Variants in OSBP observed in about 807,000 individuals in gnomAD.
The protein encoded by OSBP is oxysterol binding protein.
In OSBP, 32 loss-of-function variants were observed where a neutral mutation model predicts 96.6. The observed-to-expected ratio is 0.33, with a 90% CI of 0.25 to 0.45. OSBP has a LOEUF of 0.45. Ranked by LOEUF, OSBP falls within the 20% of genes least tolerant of loss-of-function variation. OSBP has a pLI of 1.00. For synonymous variants in OSBP, 369 were observed against 389.6 expected (o/e 0.95, Z 0.62); for missense variants, 653 against 1,029.7 (o/e 0.63, Z 5.01).
At chr11:59,602,205 G>A (rs1027139072) in intron 3 of OSBP, among the ~76,000 whole-genome samples, 4 of 152,192 alleles carry the variant, frequency 2.6e-5, no homozygotes, top group African/African-American at 4.8e-5. Context: ...GCACACACAG[G>A]ATAACTGCTT....
chr11:59,600,687 ACCTTC>A, intron 6 of OSBP, 60 bp from the exon 7 acceptor site: 2 of 1,585,912 alleles, frequency 1.3e-6, no homozygotes, highest in Non-Finnish European at 1.7e-6. Flanking sequence ...GGTATTTATA[ACCTTC>A]CCTTCCCCCG....
chr11:59,581,384 A>C, intron 10 of OSBP, 67 bp downstream of exon 10: 1 of 866,142 alleles, frequency 1.2e-6, no homozygotes, highest in Non-Finnish European at 1.9e-6. Context: ...TGTCCTAAAT[A>C]CTGCAGAAAT....
chr11:59,598,272 C>A (rs1049895517), intron 7 of OSBP, among the ~76,000 whole-genome samples: 1 of 152,168 alleles, frequency 6.6e-6, no homozygotes. Flanking sequence ...AAGACGTAGC[C>A]CCTGATCACA....
rs201724760 is a variant in OSBP, at chr11:59,601,340, T to C, written c.1067A>G (p.Glu356Gly). ...CTCAGGTGCATCAAAAAATTCATTC[T>C]CATCATCTTCATCGCTCATGTCCCC... ...GKGDMSDEDD[E>G]NEFFDAPEII... Residue 356 changes from glutamate (E) to glycine (G), a missense_variant, in exon 5 of 14, where the codon GAG becomes GGG. Physicochemically the swap from Glu to Gly is moderately conservative, Grantham distance 98. Coordinates refer to ENST00000263847, the MANE Select transcript of OSBP (RefSeq NM_002556.3). The C allele has an allele frequency of 7.4e-6, 12 of 1,613,690 alleles. No individual in the cohort carries two copies. In the East Asian group the frequency reaches 2.0e-4, roughly 27 times the overall value.
At chr11:59,585,292 C>T (rs1255107308) in intron 9 of OSBP, among the ~76,000 whole-genome samples, 13 of 152,010 alleles carry the variant, frequency 8.6e-5, no homozygotes, top group Non-Finnish European at 1.3e-4. Context: ...CCTGCCGCCC[C>T]GGCTGGGATG....
Position 59,601,737 on chromosome 11 carries a change from G to T in OSBP, c.924C>A (p.Leu308=), listed in dbSNP as rs774988077. The T allele has an allele frequency of 8.7e-6, 14 of 1,614,012 alleles. No homozygotes were observed. Among genetic ancestry groups the T allele is most frequent in the Non-Finnish European group, 1.2e-5 (14 of 1,180,034 alleles). The part of the protein sequence containing the change: ...RDQRIRLEET[L]EQLAKQHNHL... ...GATTATGCTGCTTCGCCAGCTGCTC[G>T]AGGGTTTCTTCCAGTCGGATACGCT... The change falls in exon 4 of 14, where the codon CTC becomes CTA. Residue 308 remains leucine, a synonymous_variant. Coordinates refer to ENST00000263847, the MANE Select transcript of OSBP (RefSeq NM_002556.3).
chr11:59,604,167 T>C (rs543581044), intron 3 of OSBP, among the ~76,000 whole-genome samples: 8 of 152,254 alleles, frequency 5.3e-5, no homozygotes, highest in African/African-American at 1.7e-4. Context: ...ATAGTAACAA[T>C]AGAGTAACTA....
intron 2 of OSBP, among the ~76,000 whole-genome samples, chr11:59,610,013 C>T (rs1444600129): frequency 2.6e-5 from 4 of 152,272 alleles, no homozygotes; most frequent in Non-Finnish European, 4.4e-5. Context: ...AAAAGAACAA[C>T]TGTTACGCCT....
intron 1 of OSBP, among the ~76,000 whole-genome samples, chr11:59,612,321 G>A (rs1860860677): frequency 6.6e-6 from 1 of 152,068 alleles, no homozygotes. Context: ...CCACCCCCAA[G>A]CTTCAGTTAC....
rs754048994 is a variant in OSBP at position 59,601,872 on chromosome 11, A to G, written c.823-34T>C. On this transcript the variant is annotated intron_variant, in intron 3 of 13. Transcript: ENST00000263847. ...AGAAAGCGTTGACTGTGTCAGCTCA[A>G]CTAGTCAGAGTTTCCCCTCAGGCTT... 3.1e-6 allele frequency: 5 copies of G among 1,597,390 alleles called. No homozygotes were observed. In the African/African-American group the frequency reaches 6.7e-5, roughly 21 times the overall value.
At chr11:59,586,568 T>C (rs987248598) in intron 9 of OSBP, among the ~76,000 whole-genome samples, 1 of 152,146 alleles carries the variant, frequency 6.6e-6, no homozygotes, top group Non-Finnish European at 1.5e-5. Context: ...CTAAAATTCA[T>C]ATGGAATCTC....
intron 1 of OSBP, among the ~76,000 whole-genome samples, chr11:59,613,195 C>T (rs1007430152): frequency 3.3e-5 from 5 of 152,176 alleles, no homozygotes; most frequent in Non-Finnish European, 7.3e-5. Flanking sequence ...ATTGATAACT[C>T]TGGATCCCGC....
At chr11:59,580,785 T>C (rs1860411455) in intron 10 of OSBP, among the ~76,000 whole-genome samples, 2 of 152,220 alleles carry the variant, frequency 1.3e-5, no homozygotes, top group South Asian at 4.1e-4. Context: ...TCCCAAGGTG[T>C]TGGGATTATA....
Position 59,581,478 on chromosome 11 carries a change from A to G in OSBP, c.1755T>C (p.Ile585=), listed in dbSNP as rs1860419447. The G allele has an allele frequency of 1.2e-6, 2 of 1,610,950 alleles. No homozygotes were observed. The highest frequency in any genetic ancestry group is 2.2e-5 in the South Asian group (2 of 90,926). The change falls in exon 10 of 14, where the codon ATT becomes ATC. Residue 585 remains isoleucine, a synonymous_variant. Coordinates refer to ENST00000263847, the MANE Select transcript of OSBP (RefSeq NM_002556.3). ...WKKVTTTVHN[I]IVGKLWIDQS... ...GATCTATCCACAACTTGCCCACAAT[A>G]ATGTTGTGTACAGTTGTGGTAACTT...
chr11:59,581,814 G>A (rs559150), intron 9 of OSBP, among the ~76,000 whole-genome samples: 7,108 of 152,266 alleles, frequency 0.047, 363 homozygotes, highest in Admixed American at 0.13. Context: ...TAGCTAGGAC[G>A]CTGTGTTCTA....
Position 59,615,628 on chromosome 11 carries a change from C to T in OSBP, c.37G>A (p.Gly13Ser). Residue 13 changes from glycine to serine, a missense_variant, in exon 1 of 14, where the codon GGC becomes AGC. Coordinates refer to ENST00000263847, the MANE Select transcript of OSBP (RefSeq NM_002556.3). ...CCAAGTGCTGCAATGGCTGCCGGGC[C>T]TGGCCCCACCACTCCTCTCAGCTCC... The part of the protein sequence containing the change: ...ATELRGVVGP[G>S]PAAIAALGGG... 1.4e-6 allele frequency: 2 copies of T among 1,384,474 alleles called. No individual in the cohort carries two copies. The highest frequency in any genetic ancestry group is 1.9e-6 in the Non-Finnish European group (2 of 1,067,510). The allele number at this position is 1,384,474 out of a possible 1,614,324, so 85.8% of individuals were successfully genotyped here.
At chr11:59,607,181 G>A (rs1590678161) in intron 3 of OSBP, among the ~76,000 whole-genome samples, 1 of 152,122 alleles carries the variant, frequency 6.6e-6, no homozygotes, top group East Asian at 1.9e-4. Context: ...ATTGTGCCGA[G>A]TTGTTTTATT....
At position 59,581,481 on chromosome 11, in the gene OSBP, G is replaced by A. The variant is rs1288040574; in HGVS notation, c.1752C>T (p.Asn584=). 1 of 1,611,444 alleles carries A rather than the reference G, an allele frequency of 6.2e-7. No individual in the cohort carries two copies. The highest frequency in any genetic ancestry group is 8.5e-7 in the Non-Finnish European group (1 of 1,177,920). ...TWKKVTTTVH[N]IIVGKLWIDQ... Reference sequence around the variant, plus strand: ...CTATCCACAACTTGCCCACAATAATGTTGTGTACAGTTGTGGTAACTTTCT... The same window carrying A: ...CTATCCACAACTTGCCCACAATAATATTGTGTACAGTTGTGGTAACTTTCT... The change falls in exon 10 of 14, where the codon AAC becomes AAT. Residue 584 remains asparagine (N), a synonymous_variant. Coordinates refer to ENST00000263847, the MANE Select transcript of OSBP (RefSeq NM_002556.3).
At chr11:59,615,271 A>G in intron 1 of OSBP, 32 bp downstream of exon 1, 1 of 1,549,514 alleles carries the variant, frequency 6.5e-7, no homozygotes, top group Non-Finnish European at 8.8e-7. Context: ...TGGGGGAGGC[A>G]AGGTGAGCGA....
Sources: gnomAD v4.1 joint callset for allele counts (sites outside exome capture counted in the v4.1 genomes callset) on GRCh38, gnomAD v4.1.1 for gene constraint, MANE v1.5 for transcripts, NCBI Gene and HGNC (gene_info 2026-07-23, HGNC 2026-07-21) for gene names.